The following CORIN variants were observed in gnomAD, a reference collection of about 807,000 sequenced individuals.
The protein encoded by CORIN is atrial natriuretic peptide-converting enzyme.
A neutral mutation model predicts 125.3 loss-of-function variants in CORIN; 117 were observed. The observed-to-expected ratio is 0.93, with a 90% CI of 0.80 to 1.09. The LOEUF is 1.09. Among genes scored for constraint, CORIN ranks in the 50% least tolerant of loss-of-function variants. The pLI is 0.00. For synonymous variants in CORIN, 450 were observed against 466.4 expected (o/e 0.96, Z 0.45); for missense variants, 1,253 against 1,306.7 (o/e 0.96, Z 0.63).
rs530732219 is a variant in CORIN, at chr4:47,730,194, G to T, written c.799+14208C>A. Among the ~76,000 whole-genome samples, 8 of 152,256 alleles carry T rather than the reference G, an allele frequency of 5.3e-5. No individual in the cohort carries two copies. The East Asian group carries it at 1.6e-3, about 30-fold the overall frequency. On this transcript the variant is annotated intron_variant, in intron 5 of 21. Transcript: ENST00000273857. ...AAGGCAAATTTAAAAGAGCTTGCAG[G>T]CCGGGCGCGGTGGCTCACGCCTGTA...
At position 47,766,375 on chromosome 4, in the gene CORIN, G is replaced by A. The variant is rs527684000; in HGVS notation, c.410-2789C>T. 1.2e-4 allele frequency among the ~76,000 whole-genome samples: 18 copies of A among 152,232 alleles called. 1 individual carries two copies. Among genetic ancestry groups the A allele is most frequent in the African/African-American group, 3.9e-4 (16 of 41,530 alleles). On this transcript the variant is annotated intron_variant, in intron 3 of 21. Coordinates refer to ENST00000273857, the MANE Select transcript of CORIN (RefSeq NM_006587.4). ...AAATCTACAGTCCAGACAGAAGGGT[G>A]GAGAAGTAGTAAAGAGGACAAAGAC...
At chr4:47,754,181 C>T (rs1224560417) in intron 4 of CORIN, among the ~76,000 whole-genome samples, 1 of 152,212 alleles carries the variant, frequency 6.6e-6, no homozygotes, top group Non-Finnish European at 1.5e-5. Context: ...AATTATATGA[C>T]AGTATCTTAC....
At chr4:47,703,905 C>G (rs1283831174) in intron 5 of CORIN, among the ~76,000 whole-genome samples, 1 of 152,146 alleles carries the variant, frequency 6.6e-6, no homozygotes, top group East Asian at 1.9e-4. Context: ...AAAGTGGTCT[C>G]AAGTGATCAA....
At chr4:47,622,238 C>T (rs10009447) in intron 19 of CORIN, among the ~76,000 whole-genome samples, 40,780 of 151,742 alleles carry the variant, frequency 0.27, 5,617 homozygotes, top group Admixed American at 0.35. Flanking sequence ...TTTTCTTAAT[C>T]CAGTCTATCA....
chr4:47,706,878 G>C lies in CORIN; in HGVS notation c.800-13795C>G, dbSNP rs553151419. 6.3e-6 allele frequency: 10 copies of C among 1,598,950 alleles called. No homozygotes were observed. In the Admixed American group the frequency reaches 8.3e-5, roughly 13 times the overall value. ...ATGCGTGGGCTGACATCTGCAGGCC[G>C]AAAGAGCCGTGGCCTTGGAAAGGGC... On this transcript the variant is annotated intron_variant, in intron 5 of 21. Coordinates refer to ENST00000273857, the MANE Select transcript of CORIN (RefSeq NM_006587.4).
intron 3 of CORIN, among the ~76,000 whole-genome samples, chr4:47,766,800 G>T (rs912952401): frequency 1.3e-5 from 2 of 151,802 alleles, no homozygotes; most frequent in African/African-American, 4.8e-5. Context: ...ACAAAAATTA[G>T]CCGGGTGTGA....
intron 6 of CORIN, among the ~76,000 whole-genome samples, chr4:47,684,541 G>A (rs1725427067): frequency 6.6e-6 from 1 of 152,180 alleles, no homozygotes; most frequent in Non-Finnish European, 1.5e-5. Flanking sequence ...CTTTTAGTGT[G>A]TTATTGTTAG....
rs578001977 is a variant in CORIN, at chr4:47,693,178, TA to T, written c.800-96del. On this transcript the variant is annotated intron_variant, in intron 5 of 21. Coordinates refer to ENST00000273857, the MANE Select transcript of CORIN (RefSeq NM_006587.4). ...AAATACATAGAAAATCTTCTTTTGCTATTCAACAGATTTGTTTCCAAATTCC... is the reference window on the plus strand; with the variant it reads ...AAATACATAGAAAATCTTCTTTTGCTTTCAACAGATTTGTTTCCAAATTCC... 6.4e-3 allele frequency: 5,173 copies of T among 811,530 alleles called. 23 individuals are homozygous for T. The highest frequency in any genetic ancestry group is 8.1e-3 in the Non-Finnish European group (4,082 of 502,852). 50.3% of individuals were successfully genotyped at this position (811,530 alleles called of 1,614,324 possible).
At chr4:47,769,425 T>C (rs1259934609) in intron 3 of CORIN, among the ~76,000 whole-genome samples, 4 of 152,074 alleles carry the variant, frequency 2.6e-5, no homozygotes, top group Admixed American at 1.3e-4. Flanking sequence ...TTTGGAAGGA[T>C]TAATCTCATT....
intron 3 of CORIN, among the ~76,000 whole-genome samples, chr4:47,777,658 G>A (rs1469863403): frequency 6.6e-6 from 1 of 152,068 alleles, no homozygotes. Context: ...CACCACATGT[G>A]AATATTAGAT....
intron 11 of CORIN, among the ~76,000 whole-genome samples, chr4:47,663,941 T>C (rs762719797): frequency 2.6e-5 from 4 of 152,196 alleles, no homozygotes; most frequent in Non-Finnish European, 4.4e-5. Context: ...ATTTTATTAT[T>C]TCCTGTCCTG....
At chr4:47,830,541 T>C (rs1038004224) in intron 1 of CORIN, among the ~76,000 whole-genome samples, 4 of 152,224 alleles carry the variant, frequency 2.6e-5, no homozygotes, top group African/African-American at 9.6e-5. Context: ...TGAATCCCTG[T>C]TTTGTTCATA....
At position 47,692,982 on chromosome 4, in the gene CORIN, C is replaced by T. The variant is rs1725835313; in HGVS notation, c.901G>A (p.Glu301Lys). 18 of 1,612,514 alleles carry T rather than the reference C, an allele frequency of 1.1e-5. No homozygotes were observed. Among genetic ancestry groups the T allele is most frequent in the Non-Finnish European group, 1.5e-5 (18 of 1,178,730 alleles). Residue 301 changes from glutamate to lysine, a missense_variant, in exon 6 of 22, where the codon GAG becomes AAG. Transcript: ENST00000273857. The stretch of plus-strand genomic sequence containing the variant: ...GCTTGTCACATACTGCAATGAGCCT[C>T]GTCACTCCAGTCGTCACAGTCGTTG... ...GYNDCDDWSD[E>K]AHCNCSENLF...
intron 2 of CORIN, among the ~76,000 whole-genome samples, chr4:47,802,979 T>C (rs1368002464): frequency 6.6e-6 from 1 of 152,146 alleles, no homozygotes; most frequent in Non-Finnish European, 1.5e-5. Flanking sequence ...GCCTGGCAAT[T>C]CAGAGAATTC....
At chr4:47,699,720 C>T (rs1432824403) in intron 5 of CORIN, among the ~76,000 whole-genome samples, 1 of 152,184 alleles carries the variant, frequency 6.6e-6, no homozygotes. Context: ...TTATTATTTA[C>T]ATTGCTAGGA....
intron 1 of CORIN, among the ~76,000 whole-genome samples, chr4:47,812,491 C>A (rs540124083): frequency 6.6e-6 from 1 of 152,024 alleles, no homozygotes; most frequent in Non-Finnish European, 1.5e-5. Context: ...GGAGACAGAA[C>A]GAGACCCTGG....
intron 5 of CORIN, among the ~76,000 whole-genome samples, chr4:47,701,205 C>T (rs1726277926): frequency 6.6e-6 from 1 of 152,090 alleles, no homozygotes; most frequent in Non-Finnish European, 1.5e-5. Flanking sequence ...TAAAATCAGC[C>T]CCTTGACAAC....
rs967150072 is a variant in CORIN, at chr4:47,635,984, C to T, written c.2198+5936G>A. 2.0e-5 allele frequency among the ~76,000 whole-genome samples: 3 copies of T among 152,134 alleles called. No homozygotes were observed. In the East Asian group the frequency reaches 5.8e-4, roughly 29 times the overall value. ...ACCCAGGATCCATTCATATCATGTC[C>T]AAGACAATGCTGCAACCATGGTGAT... On this transcript the variant is annotated intron_variant, in intron 16 of 21. Coordinates refer to ENST00000273857, the MANE Select transcript of CORIN (RefSeq NM_006587.4).
intron 13 of CORIN, among the ~76,000 whole-genome samples, chr4:47,650,297 A>T (rs1247283438): frequency 6.6e-6 from 1 of 152,202 alleles, no homozygotes; most frequent in Non-Finnish European, 1.5e-5. Flanking sequence ...GATGTATACC[A>T]TTTTACTTAG....
Sources: gnomAD v4.1 joint callset for allele counts (sites outside exome capture counted in the v4.1 genomes callset) on GRCh38, gnomAD v4.1.1 for gene constraint, MANE v1.5 for transcripts, NCBI Gene and HGNC (gene_info 2026-07-23, HGNC 2026-07-21) for gene names.